MTMR6: variants seen among roughly 807,000 people sequenced by gnomAD.
MTMR6 encodes phosphatidylinositol-3,5-bisphosphate 3-phosphatase MTMR6.
In MTMR6, 47 loss-of-function variants were observed where a neutral mutation model predicts 80.1. The observed-to-expected ratio is 0.59, with a 90% CI of 0.46 to 0.75. The LOEUF (loss-of-function observed/expected upper bound fraction) is 0.75, where lower values mean the gene tolerates loss of function less well. Ranked by LOEUF, MTMR6 falls within the 30% of genes least tolerant of loss-of-function variation. The pLI is 0.00. For synonymous variants in MTMR6, 254 were observed against 253.0 expected (o/e 1.00, Z -0.04); for missense variants, 629 against 730.9 (o/e 0.86, Z 1.61).
chr13:25,272,220 C>A (rs1401247079), intron 2 of MTMR6, among the ~76,000 whole-genome samples: 1 of 152,050 alleles, frequency 6.6e-6, no homozygotes, highest in African/African-American at 2.4e-5. Context: ...TATAGAAGAA[C>A]CTTTATGACT....
intron 1 of MTMR6, among the ~76,000 whole-genome samples, chr13:25,276,833 G>A (rs1321190594): frequency 6.6e-6 from 1 of 152,164 alleles, no homozygotes; most frequent in Non-Finnish European, 1.5e-5. Flanking sequence ...CTAGTGCTGT[G>A]ATAAGTGCTT....
intron 2 of MTMR6, among the ~76,000 whole-genome samples, chr13:25,271,199 T>A (rs1957567608): frequency 6.6e-6 from 1 of 151,892 alleles, no homozygotes; most frequent in South Asian, 2.1e-4. Context: ...AGTAGCCAAG[T>A]GTCCGGATTT....
At chr13:25,263,626 C>T (rs1957387453) in intron 5 of MTMR6, among the ~76,000 whole-genome samples, 1 of 152,230 alleles carries the variant, frequency 6.6e-6, no homozygotes, top group Non-Finnish European at 1.5e-5. Context: ...GTGGCTCACA[C>T]CTGCAATCCC....
intron 11 of MTMR6, among the ~76,000 whole-genome samples, chr13:25,252,924 T>C (rs1370135070): frequency 6.6e-6 from 1 of 152,210 alleles, no homozygotes; most frequent in Non-Finnish European, 1.5e-5. Flanking sequence ...AGTGTGAGCA[T>C]GTGGCTATCT....
At chr13:25,268,632 T>G (rs1957505396) in intron 2 of MTMR6, among the ~76,000 whole-genome samples, 1 of 152,126 alleles carries the variant, frequency 6.6e-6, no homozygotes, top group African/African-American at 2.4e-5. Context: ...GCCCCCTCCC[T>G]TTTCTTCCTG....
intron 5 of MTMR6, among the ~76,000 whole-genome samples, chr13:25,263,415 T>A (rs1436400089): frequency 6.6e-6 from 1 of 152,228 alleles, no homozygotes; most frequent in Non-Finnish European, 1.5e-5. Flanking sequence ...TAGACACAGC[T>A]GTGGGCAGGG....
At chr13:25,249,807 A>C (rs1323794087) in intron 13 of MTMR6, among the ~76,000 whole-genome samples, 1 of 152,254 alleles carries the variant, frequency 6.6e-6, no homozygotes, top group Non-Finnish European at 1.5e-5. Flanking sequence ...GTAAACATTT[A>C]TAATAAAAGA....
chr13:25,266,945 C>T (rs1957469905), intron 3 of MTMR6, among the ~76,000 whole-genome samples: 1 of 152,132 alleles, frequency 6.6e-6, no homozygotes, highest in South Asian at 2.1e-4. Flanking sequence ...TCACCAGATC[C>T]ACAGGGCATA....
chr13:25,261,870 G>A, intron 5 of MTMR6, 68 bp from the exon 6 acceptor site: 5 of 1,419,918 alleles, frequency 3.5e-6, no homozygotes, highest in South Asian at 1.5e-5. Context: ...ATGCTTACAA[G>A]AAAAAAAAGC....
chr13:25,262,059 C>G (rs1304541826), intron 5 of MTMR6, among the ~76,000 whole-genome samples: 1 of 152,144 alleles, frequency 6.6e-6, no homozygotes, highest in African/African-American at 2.4e-5. Flanking sequence ...AGAAATAACA[C>G]CCAGTCAATT....
chr13:25,281,052 G>A (rs1443866140), intron 1 of MTMR6, among the ~76,000 whole-genome samples: 2 of 152,194 alleles, frequency 1.3e-5, no homozygotes, highest in South Asian at 2.1e-4. Flanking sequence ...CACTACAGGT[G>A]TAGTAGCTTA....
intron 6 of MTMR6, chr13:25,260,544 TA>T: frequency 1.7e-6 from 2 of 1,152,392 alleles, no homozygotes; most frequent in South Asian, 1.4e-5. Context: ...CAAAGCTGCC[TA>T]AAAACCACTT....
intron 1 of MTMR6, 50 bp downstream of exon 1, chr13:25,287,174 G>T: frequency 3.8e-6 from 6 of 1,572,014 alleles, no homozygotes; most frequent in Non-Finnish European, 5.2e-6. Context: ...TCCTGCCTCA[G>T]CCGGGTCAGA....
At chr13:25,281,962 A>G (rs754781206) in intron 1 of MTMR6, among the ~76,000 whole-genome samples, 2 of 152,092 alleles carry the variant, frequency 1.3e-5, no homozygotes, top group Non-Finnish European at 2.9e-5. Flanking sequence ...TATTCCATCA[A>G]TGGCTTCCTA....
At chr13:25,286,115 G>C (rs1957949906) in intron 1 of MTMR6, among the ~76,000 whole-genome samples, 1 of 152,032 alleles carries the variant, frequency 6.6e-6, no homozygotes. Context: ...AAAAAAAAAT[G>C]TTAAGGGGTT....
At chr13:25,273,965 A>G (rs1365759667) in intron 2 of MTMR6, 106 bp downstream of exon 2, 2 of 782,514 alleles carry the variant, frequency 2.6e-6, no homozygotes, top group Admixed American at 5.2e-5. Flanking sequence ...TTTGGTTGAG[A>G]TAGGTAACCA....
At chr13:25,267,246 C>CAAA (rs771144201) in intron 3 of MTMR6, among the ~76,000 whole-genome samples, 7 of 66,946 alleles carry the variant, frequency 1.0e-4, no homozygotes, top group African/African-American at 3.5e-4. Context: ...GATTCCATCT[C>CAAA]AAAAAAAAAA....
Position 25,260,166 on chromosome 13 carries a change from T to C in MTMR6, c.727-1474A>G, listed in dbSNP as rs1957301017. Among the ~76,000 whole-genome samples the C allele has an allele frequency of 2.7e-5, 4 of 150,020 alleles. No homozygotes were observed. In the South Asian group the frequency reaches 8.4e-4, roughly 32 times the overall value. The stretch of plus-strand genomic sequence containing the variant: ...GTGTGAGCCACCATGTCCAGCCAGA[T>C]AATTCTTTTTTTTTTTTTTGAGACG... On this transcript the variant is annotated intron_variant, in intron 6 of 13. Transcript: ENST00000381801.
rs769223877 is a variant in MTMR6, at chr13:25,251,682, T to C, written c.1572A>G (p.Lys524=). The C allele has an allele frequency of 3.3e-6, 5 of 1,534,992 alleles. No individual in the cohort carries two copies. In the South Asian group the frequency reaches 5.7e-5, roughly 18 times the overall value. The change falls in exon 13 of 14, where the codon AAA becomes AAG. Residue 524 remains lysine, a synonymous_variant. Coordinates refer to ENST00000381801, the MANE Select transcript of MTMR6 (RefSeq NM_004685.5). This position sits in a 1 kb window ranked among gnomAD's most constrained non-coding sequence, Gnocchi z 4.1. ...NIIMNMNEQN[K]QLEKDIKDLE... is the part of the protein sequence containing the mutation. ...GGTCTTTAATATCTTTCTCTAATTG[T>C]TTATTTTGCTCATTCATATTCATAA...
Sources: allele counts gnomAD v4.1 joint callset (sites outside exome capture counted in the v4.1 genomes callset), GRCh38; gene constraint gnomAD v4.1.1; non-coding constraint Gnocchi (gnomAD v3.1); transcripts MANE v1.5; gene names NCBI Gene and HGNC (gene_info 2026-07-23, HGNC 2026-07-21).